ROBO1: variants seen among roughly 807,000 people sequenced by gnomAD.
ROBO1 encodes roundabout homolog 1.
A neutral mutation model predicts 195.9 loss-of-function variants in ROBO1; 149 were observed. The observed-to-expected ratio is 0.76, with a 90% confidence interval of 0.67 to 0.87. The LOEUF is 0.87. ROBO1 is among the 40% of genes least tolerant of loss of function. The pLI is 0.00. For missense variants in ROBO1, 1,933 were observed against 2,068.3 expected, an observed-to-expected ratio of 0.93 and a Z score of 1.27; for synonymous variants, 816 against 733.2, an observed-to-expected ratio of 1.11 and a Z score of -1.82.
chr3:78,857,127 T>C (rs992761333), intron 4 of ROBO1, among the ~76,000 whole-genome samples: 3 of 152,160 alleles, frequency 2.0e-5, no homozygotes, highest in African/African-American at 7.2e-5. Flanking sequence ...ACAATATTCA[T>C]CCTTTTAAAA....
At chr3:79,221,566 G>A (rs1015145970) in intron 2 of ROBO1, among the ~76,000 whole-genome samples, 1 of 151,996 alleles carries the variant, frequency 6.6e-6, no homozygotes, top group Admixed American at 6.6e-5. Context: ...TAATATCTGG[G>A]TGAATTCACC....
At chr3:79,521,933 G>A (rs537070873) in intron 2 of ROBO1, among the ~76,000 whole-genome samples, 1 of 152,074 alleles carries the variant, frequency 6.6e-6, no homozygotes, top group African/African-American at 2.4e-5. Context: ...AACATTACAT[G>A]GTTGGTTTAC....
chr3:79,112,704 C>T (rs1483084058), intron 3 of ROBO1, among the ~76,000 whole-genome samples: 2 of 148,512 alleles, frequency 1.3e-5, no homozygotes, highest in East Asian at 4.0e-4. Flanking sequence ...GGGAATTGAA[C>T]AATGAGAACA....
intron 1 of ROBO1, among the ~76,000 whole-genome samples, chr3:79,761,206 A>G (rs1257946687): frequency 6.7e-6 from 1 of 149,402 alleles, no homozygotes; most frequent in African/African-American, 2.4e-5. Context: ...CTATATTGCA[A>G]TGAATATGAA....
chr3:78,963,494 G>GTTTTTTTTTTTTTTTTT (rs750158094), intron 3 of ROBO1, among the ~76,000 whole-genome samples: 4 of 72,304 alleles, frequency 5.5e-5, no homozygotes, highest in Non-Finnish European at 6.8e-5. Context: ...AAAACCTTCA[G>GTTTTTTTTTTTTTTTTT]TTTTTTTTTT....
intron 3 of ROBO1, among the ~76,000 whole-genome samples, chr3:79,039,390 A>G (rs1383922318): frequency 6.6e-6 from 1 of 152,194 alleles, no homozygotes; most frequent in Non-Finnish European, 1.5e-5. Flanking sequence ...TGAATTGTCA[A>G]CTTGAGTCAT....
intron 2 of ROBO1, among the ~76,000 whole-genome samples, chr3:79,552,391 T>A (rs1376986360): frequency 1.3e-5 from 2 of 152,094 alleles, no homozygotes; most frequent in Non-Finnish European, 2.9e-5. Context: ...TCCAGTGACT[T>A]GTGCAATAAA....
intron 3 of ROBO1, among the ~76,000 whole-genome samples, chr3:79,090,640 A>G (rs973994542): frequency 2.0e-5 from 3 of 151,982 alleles, no homozygotes; most frequent in Non-Finnish European, 4.4e-5. Flanking sequence ...ACTTGTTACT[A>G]CCTCTATGAG....
chr3:78,921,779 C>A lies in ROBO1; in HGVS notation c.499+16822G>T, dbSNP rs2038948948. The stretch of plus-strand genomic sequence containing the variant: ...ACAACACATATAAAAGAACAGGAAA[C>A]AGCTCTAACAATCCTTTTTTTTTTT... On this transcript the variant is annotated intron_variant, in intron 4 of 30. Coordinates refer to ENST00000464233, the MANE Select transcript of ROBO1 (RefSeq NM_002941.4). Among the ~76,000 whole-genome samples, 3 of 151,484 alleles carry A rather than the reference C, an allele frequency of 2.0e-5. No individual in the cohort carries two copies. The South Asian group carries it at 6.2e-4, about 32-fold the overall frequency.
At chr3:78,944,827 T>C (rs1270604593) in intron 3 of ROBO1, among the ~76,000 whole-genome samples, 1 of 152,166 alleles carries the variant, frequency 6.6e-6, no homozygotes, top group East Asian at 1.9e-4. Flanking sequence ...TACTGCGCTT[T>C]TCCAATGGAC....
intron 3 of ROBO1, among the ~76,000 whole-genome samples, chr3:79,081,113 A>G (rs1048822864): frequency 3.9e-5 from 6 of 152,072 alleles, no homozygotes; most frequent in African/African-American, 7.2e-5. Context: ...TTCTTTTTTT[A>G]TAATTAAATA....
At chr3:78,714,616 A>T in intron 7 of ROBO1, 92 bp from the exon 8 acceptor site, 1 of 1,144,358 alleles carries the variant, frequency 8.7e-7, no homozygotes, top group Non-Finnish European at 1.2e-6. Flanking sequence ...CACATGCTAC[A>T]TTCTTTTCTG....
chr3:79,175,633 A>G (rs574792053), intron 2 of ROBO1, among the ~76,000 whole-genome samples: 3 of 152,232 alleles, frequency 2.0e-5, no homozygotes, highest in Non-Finnish European at 2.9e-5. Context: ...AGAAAAAATT[A>G]TCCTACAATA....
chr3:79,165,057 C>T (rs746890519), intron 2 of ROBO1, among the ~76,000 whole-genome samples: 3 of 152,068 alleles, frequency 2.0e-5, no homozygotes, highest in Admixed American at 1.3e-4. Context: ...GTTTATGTTA[C>T]ATCACTGCCA....
intron 28 of ROBO1, among the ~76,000 whole-genome samples, chr3:78,610,963 T>C (rs1377026941): frequency 1.3e-5 from 2 of 152,168 alleles, no homozygotes; most frequent in Admixed American, 6.5e-5. Context: ...TAGTGATATA[T>C]AGTGCTTTCA....
intron 2 of ROBO1, among the ~76,000 whole-genome samples, chr3:79,520,200 C>G (rs925207685): frequency 6.6e-6 from 1 of 151,544 alleles, no homozygotes; most frequent in Non-Finnish European, 1.5e-5. Flanking sequence ...TTGTGTACCC[C>G]CAGGATGCAT....
intron 3 of ROBO1, among the ~76,000 whole-genome samples, chr3:79,038,634 T>C (rs2078424923): frequency 6.6e-6 from 1 of 151,346 alleles, no homozygotes. Context: ...CTCACTACTA[T>C]AAACTGAATT....
At chr3:78,849,917 C>A (rs1183114228) in intron 4 of ROBO1, among the ~76,000 whole-genome samples, 3 of 151,342 alleles carry the variant, frequency 2.0e-5, no homozygotes, top group Admixed American at 6.6e-5. Flanking sequence ...CAATGACAGA[C>A]CACATATACA....
chr3:79,226,913 T>C (rs903315519), intron 2 of ROBO1, among the ~76,000 whole-genome samples: 4 of 152,108 alleles, frequency 2.6e-5, no homozygotes, highest in South Asian at 4.1e-4. Context: ...CTTCCGGTTA[T>C]AACAAGAGGG....
Sources: gnomAD v4.1 joint callset for allele counts (sites outside exome capture counted in the v4.1 genomes callset) on GRCh38, gnomAD v4.1.1 for gene constraint, MANE v1.5 for transcripts, NCBI Gene and HGNC (gene_info 2026-07-23, HGNC 2026-07-21) for gene names.